EEIG2: variants seen among roughly 807,000 people sequenced by gnomAD.
EEIG2 encodes EEIG family member 2.
the EEIG2 span, chr1:108,629,690 T>C: frequency 4.0e-6 from 6 of 1,517,914 alleles, no homozygotes; most frequent in Non-Finnish European, 5.5e-6. Context: ...TATTAAAATA[T>C]AGACTAATTT....
the EEIG2 span, among the ~76,000 whole-genome samples, chr1:108,634,576 T>C: frequency 6.6e-6 from 1 of 152,154 alleles, no homozygotes; most frequent in African/African-American, 2.4e-5. Context: ...ATGCCTGTAA[T>C]CCAGCACTTT....
At chr1:108,598,695 T>C in the EEIG2 span, among the ~76,000 whole-genome samples, 3 of 152,168 alleles carry the variant, frequency 2.0e-5, no homozygotes, top group African/African-American at 4.8e-5. Context: ...ATGCATGCCC[T>C]CCTCTCCCAT....
At chr1:108,607,056 C>T in the EEIG2 span, among the ~76,000 whole-genome samples, 1 of 152,178 alleles carries the variant, frequency 6.6e-6, no homozygotes, top group African/African-American at 2.4e-5. Context: ...AATAGAAAAC[C>T]TTCCTCAACT....
the EEIG2 span, among the ~76,000 whole-genome samples, chr1:108,575,131 G>C: frequency 6.6e-6 from 1 of 152,090 alleles, no homozygotes; most frequent in Admixed American, 6.5e-5. Flanking sequence ...TTTTAAAGAG[G>C]CTACACTGAA....
the EEIG2 span, chr1:108,624,770 G>T: frequency 5.6e-6 from 9 of 1,598,740 alleles, no homozygotes; most frequent in Admixed American, 1.7e-5. Context: ...TGGCTTACTG[G>T]TTTTTTAATT....
At chr1:108,607,012 T>C in the EEIG2 span, among the ~76,000 whole-genome samples, 2 of 152,270 alleles carry the variant, frequency 1.3e-5, no homozygotes, top group East Asian at 3.9e-4. Flanking sequence ...CTAAATCTAG[T>C]TGGTTGCAAT....
At chr1:108,628,722 T>C in the EEIG2 span, 2 of 1,613,320 alleles carry the variant, frequency 1.2e-6, no homozygotes, top group Non-Finnish European at 1.7e-6. Flanking sequence ...TGAAGCGAGT[T>C]GATGACACCA....
chr1:108,565,527 G>A, the EEIG2 span, among the ~76,000 whole-genome samples: 1 of 152,146 alleles, frequency 6.6e-6, no homozygotes, highest in African/African-American at 2.4e-5. Context: ...GGCATGGCAG[G>A]TTTAATTCTG....
the EEIG2 span, among the ~76,000 whole-genome samples, chr1:108,572,978 G>C: frequency 1.3e-5 from 2 of 152,126 alleles, no homozygotes; most frequent in African/African-American, 4.8e-5. Flanking sequence ...TAATTATCTG[G>C]ATATACTATG....
At chr1:108,616,441 C>T in the EEIG2 span, 1 of 1,530,732 alleles carries the variant, frequency 6.5e-7, no homozygotes, top group Admixed American at 1.7e-5. Context: ...AAGTTGATAC[C>T]CAATAAATGG....
At chr1:108,628,706 C>G in the EEIG2 span, 5 of 1,612,428 alleles carry the variant, frequency 3.1e-6, no homozygotes, top group African/African-American at 6.7e-5. Context: ...TCTGTAGAAT[C>G]TCAGCTGAAG....
At chr1:108,633,055 G>A in the EEIG2 span, among the ~76,000 whole-genome samples, 1 of 151,124 alleles carries the variant, frequency 6.6e-6, no homozygotes, top group South Asian at 2.1e-4. Flanking sequence ...AAAGTGCTGA[G>A]ATTACAGGCA....
chr1:108,607,924 A>G, the EEIG2 span, among the ~76,000 whole-genome samples: 2 of 152,198 alleles, frequency 1.3e-5, no homozygotes, highest in East Asian at 1.9e-4. Context: ...TATTGCCAAA[A>G]TAATCTTTCT....
the EEIG2 span, among the ~76,000 whole-genome samples, chr1:108,568,057 T>TC: frequency 1.3e-5 from 2 of 152,072 alleles, no homozygotes; most frequent in Non-Finnish European, 2.9e-5. Flanking sequence ...ACTTTTTTTT[T>TC]CAAGATGTGG....
the EEIG2 span, among the ~76,000 whole-genome samples, chr1:108,620,863 G>A: frequency 6.6e-6 from 1 of 152,150 alleles, no homozygotes; most frequent in Non-Finnish European, 1.5e-5. Context: ...GGGATTCACT[G>A]ATTACGTGGG....
At chr1:108,561,607 A>G in the EEIG2 span, among the ~76,000 whole-genome samples, 33 of 152,340 alleles carry the variant, frequency 2.2e-4, no homozygotes, top group African/African-American at 7.9e-4. Context: ...ATTGAAGCCT[A>G]TGGAAGCCAG....
chr1:108,587,335 CAT>C, the EEIG2 span, among the ~76,000 whole-genome samples: 4 of 152,144 alleles, frequency 2.6e-5, no homozygotes, highest in Non-Finnish European at 5.9e-5. Context: ...CCTGTCCCCA[CAT>C]ACACACAATA....
At chr1:108,600,438 C>T in the EEIG2 span, 1 of 1,057,008 alleles carries the variant, frequency 9.5e-7, no homozygotes, top group Non-Finnish European at 1.3e-6. Flanking sequence ...CTTCCTGCTA[C>T]ACTGTTTACA....
At chr1:108,623,069 TA>T in the EEIG2 span, among the ~76,000 whole-genome samples, 3 of 149,308 alleles carry the variant, frequency 2.0e-5, no homozygotes, top group Non-Finnish European at 3.0e-5. Flanking sequence ...ACCCTGTCTC[TA>T]AAAAAAAATG....
Sources: allele counts gnomAD v4.1 joint callset (sites outside exome capture counted in the v4.1 genomes callset), GRCh38; gene constraint gnomAD v4.1.1; transcripts MANE v1.5; gene names NCBI Gene and HGNC (gene_info 2026-07-23, HGNC 2026-07-21).